Variants in THAP12 observed in about 807,000 individuals in gnomAD.
THAP12 encodes 52 kDa repressor of the inhibitor of the protein kinase.
THAP12 carries 20 observed loss-of-function variants against 63.0 expected under a neutral mutation model. The observed-to-expected ratio is 0.32, with a 90% CI of 0.22 to 0.46. The LOEUF is 0.46. THAP12 is among the 20% of genes least tolerant of loss of function. The pLI is 1.00. For missense variants in THAP12, 568 were observed against 908.2 expected (o/e 0.63, Z 4.81); for synonymous variants, 264 against 328.4 (o/e 0.80, Z 2.12).
chr11:76,374,689 G>T (rs1000485640), intron 1 of THAP12, among the ~76,000 whole-genome samples: 1 of 152,192 alleles, frequency 6.6e-6, no homozygotes, highest in African/African-American at 2.4e-5. Flanking sequence ...GTCCACTCCT[G>T]AGAGACCAAA....
rs1241898216 is a variant in THAP12 at position 76,352,399 on chromosome 11, G to A, written c.751C>T (p.Leu251Phe). Residue 251 changes from leucine (L) to phenylalanine (F), a missense_variant, in exon 5 of 5, where the codon CTC (leucine) becomes TTC (phenylalanine). Physicochemically the swap from Leu to Phe is conservative, Grantham distance 22. Coordinates refer to ENST00000260045, the MANE Select transcript of THAP12 (RefSeq NM_004705.4). ...ICESCIREET[L>F]REVRDSHFFS... Reference sequence around the variant, plus strand: ...AAGTGTGAGTCTCTCACTTCCCTGAGAGTTTCTTCTCGAATACAGCTCTCA... The same window carrying A: ...AAGTGTGAGTCTCTCACTTCCCTGAAAGTTTCTTCTCGAATACAGCTCTCA... 6 of 1,611,946 alleles carry A rather than the reference G, an allele frequency of 3.7e-6. No homozygotes were observed. The highest frequency in any genetic ancestry group is 4.2e-6 in the Non-Finnish European group (5 of 1,179,816).
chr11:76,357,484 AC>A (rs1946569403), intron 3 of THAP12: 1 of 152,114 alleles, frequency 6.6e-6, no homozygotes, highest in South Asian at 2.1e-4. Flanking sequence ...TAAAAAAAAA[AC>A]TCACATCTAG....
intron 1 of THAP12, among the ~76,000 whole-genome samples, chr11:76,369,008 A>C (rs953072182): frequency 1.3e-5 from 2 of 152,238 alleles, no homozygotes; most frequent in African/African-American, 4.8e-5. Flanking sequence ...ATATCTAACA[A>C]TGGACTCACA....
intron 1 of THAP12, among the ~76,000 whole-genome samples, chr11:76,379,696 GTTTA>G: frequency 6.6e-6 from 1 of 151,930 alleles, no homozygotes; most frequent in South Asian, 2.1e-4. Context: ...TCTAACCTTT[GTTTA>G]TTTTTCTCCA....
intron 2 of THAP12, among the ~76,000 whole-genome samples, chr11:76,361,969 C>T (rs1322531868): frequency 2.0e-5 from 3 of 152,194 alleles, no homozygotes; most frequent in Admixed American, 1.3e-4. Flanking sequence ...TTCTGTATCT[C>T]TTTCAAGTCC....
chr11:76,372,539 T>C (rs962730323), intron 1 of THAP12, among the ~76,000 whole-genome samples: 1 of 148,484 alleles, frequency 6.7e-6, no homozygotes, highest in Non-Finnish European at 1.5e-5. Context: ...CCTCTCAAAG[T>C]GCTGGGATTA....
At position 76,350,824 on chromosome 11, in the gene THAP12, C is replaced by A. The variant is rs1946520611; in HGVS notation, c.*40G>T. On this transcript the variant is annotated 3_prime_UTR_variant, in exon 5 of 5. Coordinates refer to ENST00000260045, the MANE Select transcript of THAP12 (RefSeq NM_004705.4). Reference sequence around the variant, plus strand: ...TACATACACCTTACGGCTTTTTCTTCCAAATATCAAATATAAGAAAGCCTA... The same window carrying A: ...TACATACACCTTACGGCTTTTTCTTACAAATATCAAATATAAGAAAGCCTA... 3 of 1,487,932 alleles carry A rather than the reference C, an allele frequency of 2.0e-6. No homozygotes were observed. Among genetic ancestry groups the A allele is most frequent in the Non-Finnish European group, 2.7e-6 (3 of 1,120,740 alleles). 92.2% of individuals were successfully genotyped at this position (1,487,932 alleles called of 1,614,324 possible).
chr11:76,361,059 G>A lies in THAP12; in HGVS notation c.215C>T (p.Pro72Leu). ...ATTATCTCGAAGAACTGTCCTATAAGGACTCTGAAAAAGAAAATTGTGTTA... is the reference window on the plus strand; with the variant it reads ...ATTATCTCGAAGAACTGTCCTATAAAGACTCTGAAAAAGAAAATTGTGTTA... ...FETSMICRTS[P>L]YRTVLRDNAI... Residue 72 changes from proline (P) to leucine (L), a missense_variant, in exon 3 of 5, where the codon CCT becomes CTT. Coordinates refer to ENST00000260045, the MANE Select transcript of THAP12 (RefSeq NM_004705.4). The A allele has an allele frequency of 6.2e-7, 1 of 1,600,410 alleles. No homozygotes were observed. The highest frequency in any genetic ancestry group is 8.5e-7 in the Non-Finnish European group (1 of 1,169,918).
chr11:76,379,700 A>T (rs1023300835), intron 1 of THAP12, among the ~76,000 whole-genome samples: 12 of 151,844 alleles, frequency 7.9e-5, no homozygotes, highest in African/African-American at 2.9e-4. Context: ...ACCTTTGTTT[A>T]TTTTTCTCCA....
rs1946725548 is a variant in THAP12 at position 76,378,328 on chromosome 11, GAGT to G, written c.89+2417_89+2419del. ...ATCCCAGCTACCTGGGAGGCTGAGT[GAGT>G]AGAATAGTTTGTGAACATCGGTGGC... is the stretch of plus-strand genomic sequence containing the variant. On this transcript the variant is annotated intron_variant, in intron 1 of 4. Transcript: ENST00000260045. Among the ~76,000 whole-genome samples, 6 of 152,286 alleles carry G rather than the reference GAGT, an allele frequency of 3.9e-5. No homozygotes were observed. In the South Asian group the frequency reaches 1.2e-3, roughly 32 times the overall value.
chr11:76,380,133 G>T (rs1416740948), intron 1 of THAP12, among the ~76,000 whole-genome samples: 1 of 152,170 alleles, frequency 6.6e-6, no homozygotes, highest in Admixed American at 6.5e-5. Context: ...GAAGGAAGAG[G>T]TTCCAATACC....
Position 76,350,837 on chromosome 11 carries a change from A to G in THAP12, c.*27T>C. 6.7e-7 allele frequency: 1 copy of G among 1,503,142 alleles called. No homozygotes were observed. The highest frequency in any genetic ancestry group is 1.4e-5 in the South Asian group (1 of 71,978). 93.1% of individuals were successfully genotyped at this position (1,503,142 alleles called of 1,614,324 possible). ...CGGCTTTTTCTTCCAAATATCAAAT[A>G]TAAGAAAGCCTATTTTTAAAAGTCT... On this transcript the variant is annotated 3_prime_UTR_variant, in exon 5 of 5. Transcript: ENST00000260045.
chr11:76,374,043 T>A (rs979674208), intron 1 of THAP12, among the ~76,000 whole-genome samples: 1 of 152,250 alleles, frequency 6.6e-6, no homozygotes, highest in South Asian at 2.1e-4. Flanking sequence ...GATTCTCACA[T>A]CTGCTTCTGT....
intron 3 of THAP12, chr11:76,355,980 G>C (rs1174193116): frequency 5.3e-6 from 1 of 187,574 alleles, no homozygotes; most frequent in Non-Finnish European, 1.1e-5. Context: ...ATGGCACTTG[G>C]AGTTAAATTC....
At position 76,352,026 on chromosome 11, in the gene THAP12, A is replaced by C. The variant is rs758332014; in HGVS notation, c.1124T>G (p.Met375Arg). ...TGTTCCTAATGCAACAGATACTCCC[A>C]TAACAGGTACTGATTTTGCCAACCA... ...NMWLAKSVPV[M>R]GVSVALGTIE... The change falls in exon 5 of 5, where the codon ATG becomes AGG. Residue 375 changes from methionine to arginine, a missense_variant. Transcript: ENST00000260045. The C allele has an allele frequency of 6.2e-7, 1 of 1,611,334 alleles. No homozygotes were observed. Among genetic ancestry groups the C allele is most frequent in the East Asian group, 2.2e-5 (1 of 44,872 alleles).
At chr11:76,369,351 C>T (rs1232061775) in intron 1 of THAP12, among the ~76,000 whole-genome samples, 4 of 152,200 alleles carry the variant, frequency 2.6e-5, no homozygotes, top group African/African-American at 9.7e-5. Context: ...AAACTATCTA[C>T]AATCTCACAA....
At chr11:76,359,785 C>G (rs1488989884) in intron 3 of THAP12, among the ~76,000 whole-genome samples, 1 of 149,730 alleles carries the variant, frequency 6.7e-6, no homozygotes, top group Admixed American at 6.8e-5. Context: ...CAAGATCATG[C>G]CACTGCACTC....
intron 1 of THAP12, among the ~76,000 whole-genome samples, chr11:76,374,947 C>G (rs1313467783): frequency 6.6e-6 from 1 of 152,192 alleles, no homozygotes; most frequent in Non-Finnish European, 1.5e-5. Flanking sequence ...ATCTAAGAAG[C>G]CAAGAGTGAG....
intron 2 of THAP12, among the ~76,000 whole-genome samples, chr11:76,363,757 T>C (rs4944105): frequency 6.6e-6 from 1 of 151,636 alleles, no homozygotes; most frequent in Non-Finnish European, 1.5e-5. Flanking sequence ...CCCAGCAAAA[T>C]TTTTTTTGTT....
Sources: gnomAD v4.1 joint callset for allele counts (sites outside exome capture counted in the v4.1 genomes callset) on GRCh38, gnomAD v4.1.1 for gene constraint, MANE v1.5 for transcripts, NCBI Gene and HGNC (gene_info 2026-07-23, HGNC 2026-07-21) for gene names.